CNTNAP4: variants seen among roughly 807,000 people sequenced by gnomAD.
CNTNAP4 encodes contactin associated protein family member 4.
In CNTNAP4, 98 loss-of-function variants were observed where a neutral mutation model predicts 148.4. The ratio of observed to expected loss-of-function variants is 0.66; its 90% CI spans 0.56 to 0.78. The LOEUF (loss-of-function observed/expected upper bound fraction) is 0.78. Ranked by LOEUF, CNTNAP4 falls within the 30% of genes least tolerant of loss-of-function variation. The pLI is 0.00. For missense variants in CNTNAP4, 1,935 were observed against 1,565.6 expected (o/e 1.24, Z -3.98); for synonymous variants, 730 against 565.1 (o/e 1.29, Z -4.14).
In CNTNAP4 at chr16:76,446,306, T is replaced by A. The variant is rs548260740; in HGVS notation, c.539-1706T>A. On this transcript the variant is annotated intron_variant, in intron 4 of 23. Coordinates refer to ENST00000611870, the MANE Select transcript of CNTNAP4 (RefSeq NM_033401.5). ...TGACTGGAAGAAGCCAGCTTACCAG[T>A]TGAAAAATCGCTTCATATTTTATTG... Among the ~76,000 whole-genome samples the A allele has an allele frequency of 2.6e-5, 4 of 152,166 alleles. No individual in the cohort carries two copies. In the East Asian group the frequency reaches 7.7e-4, roughly 29 times the overall value.
chr16:76,346,574 T>G (rs180995048), intron 2 of CNTNAP4, among the ~76,000 whole-genome samples: 2 of 152,250 alleles, frequency 1.3e-5, no homozygotes, highest in Admixed American at 1.3e-4. Context: ...ATCAAAACTT[T>G]CAGAAAGGTA....
chr16:76,554,277 C>T (rs1302194851), intron 23 of CNTNAP4, among the ~76,000 whole-genome samples: 1 of 152,134 alleles, frequency 6.6e-6, no homozygotes, highest in South Asian at 2.1e-4. Flanking sequence ...CATATCACTG[C>T]TTCTGGAAAG....
intron 3 of CNTNAP4, among the ~76,000 whole-genome samples, chr16:76,377,076 C>T (rs2015494466): frequency 6.6e-6 from 1 of 152,018 alleles, no homozygotes; most frequent in Admixed American, 6.6e-5. Flanking sequence ...AGGCTTAGGA[C>T]TCAGGGCAGA....
rs1182040739 is a variant in CNTNAP4 at position 76,540,771 on chromosome 16, G to C, written c.3423G>C (p.Leu1141=). 2 of 1,570,930 alleles carry C rather than the reference G, an allele frequency of 1.3e-6. No individual in the cohort carries two copies. The highest frequency in any genetic ancestry group is 1.7e-6 in the Non-Finnish European group (2 of 1,155,946). Residue 1141 remains leucine (L), a synonymous_variant, in exon 21 of 24, where the codon CTG becomes CTC. Transcript: ENST00000611870. ...SGTEFSAVKS[L]VLGRILEHSD... The stretch of plus-strand genomic sequence containing the variant: ...CAGAATTCAGTGCAGTCAAATCTCT[G>C]GTATTGGGCAGGATTTTAGGTAAGT...
rs953133734 is a variant in CNTNAP4, at chr16:76,538,315, C to T, written c.3195C>T (p.Tyr1065=). ...TTGTGAGCTCCTTTTACAAAGAATA[C>T]CTTTCTGTGATCATTGCCAAAAATG... ...LLFVSSFYKE[Y]LSVIIAKNGS... Residue 1065 remains tyrosine (Y), a synonymous_variant, in exon 19 of 24, where the codon TAC becomes TAT. Transcript: ENST00000611870. 6.2e-7 allele frequency: 1 copy of T among 1,603,658 alleles called. No individual in the cohort carries two copies.
chr16:76,383,866 G>T lies in CNTNAP4; in HGVS notation c.390+28355G>T, dbSNP rs1435289342. Among the ~76,000 whole-genome samples the T allele has an allele frequency of 3.3e-5, 5 of 152,150 alleles. No individual in the cohort carries two copies. The East Asian group carries it at 9.6e-4, about 29-fold the overall frequency. Reference sequence around the variant, plus strand: ...TAAAATTGGTCCTGAGTTCGTCTCTGAAGGTAGATGTGTGTGAGTTTTAAA... The same window carrying T: ...TAAAATTGGTCCTGAGTTCGTCTCTTAAGGTAGATGTGTGTGAGTTTTAAA... On this transcript the variant is annotated intron_variant, in intron 3 of 23. Transcript: ENST00000611870.
At chr16:76,459,215 A>G (rs989058362) in intron 8 of CNTNAP4, among the ~76,000 whole-genome samples, 1 of 152,196 alleles carries the variant, frequency 6.6e-6, no homozygotes, top group Non-Finnish European at 1.5e-5. Context: ...TTCTCTCTAA[A>G]TGAGTGAAAT....
At chr16:76,505,457 G>T (rs1464109007) in intron 15 of CNTNAP4, among the ~76,000 whole-genome samples, 1 of 97,092 alleles carries the variant, frequency 1.0e-5, no homozygotes, top group African/African-American at 2.6e-5. Flanking sequence ...AAGGATCTCT[G>T]CTGCAAGAAC....
In CNTNAP4 at chr16:76,316,645, G is replaced by A. The variant is rs937731087; in HGVS notation, c.196+122G>A. On this transcript the variant is annotated intron_variant, in intron 2 of 23. Transcript: ENST00000611870. The stretch of plus-strand genomic sequence containing the variant: ...AAAGTAAATTTCGAAATAAGCAAAT[G>A]GTTAAAACTCATGAGATGTATATGA... 8.8e-6 allele frequency: 6 copies of A among 678,464 alleles called. No homozygotes were observed. The African/African-American group carries it at 8.9e-5, about 10-fold the overall frequency. 42.0% of individuals were successfully genotyped at this position (678,464 alleles called of 1,614,324 possible).
At chr16:76,318,149 A>T (rs189035209) in intron 2 of CNTNAP4, among the ~76,000 whole-genome samples, 1 of 152,180 alleles carries the variant, frequency 6.6e-6, no homozygotes, top group African/African-American at 2.4e-5. Context: ...TTGCAATGCT[A>T]ATCCTAGAAT....
chr16:76,321,654 T>C (rs1380342717), intron 2 of CNTNAP4, among the ~76,000 whole-genome samples: 2 of 151,432 alleles, frequency 1.3e-5, no homozygotes, highest in Non-Finnish European at 2.9e-5. Flanking sequence ...CCGGGCGTGG[T>C]GGCGGGTCCC....
At chr16:76,385,198 G>A (rs563109728) in intron 3 of CNTNAP4, among the ~76,000 whole-genome samples, 8 of 152,054 alleles carry the variant, frequency 5.3e-5, no homozygotes, top group Non-Finnish European at 1.2e-4. Flanking sequence ...GATTTATTTA[G>A]AGCAGCAAGA....
intron 2 of CNTNAP4, among the ~76,000 whole-genome samples, chr16:76,343,359 G>C (rs952902247): frequency 6.6e-6 from 1 of 152,052 alleles, no homozygotes; most frequent in Admixed American, 6.6e-5. Flanking sequence ...AAATAAGATG[G>C]AGATAAACAG....
intron 2 of CNTNAP4, among the ~76,000 whole-genome samples, chr16:76,325,509 G>C (rs1252395307): frequency 6.6e-6 from 1 of 152,074 alleles, no homozygotes. Context: ...GAGAATACTT[G>C]AAAAGCCAGA....
At chr16:76,514,072 C>T (rs1215144953) in intron 15 of CNTNAP4, among the ~76,000 whole-genome samples, 1 of 152,108 alleles carries the variant, frequency 6.6e-6, no homozygotes, top group African/African-American at 2.4e-5. Context: ...ATAATATGTT[C>T]TCCTTTTATA....
Position 76,485,448 on chromosome 16 carries a change from A to T in CNTNAP4, c.1883-4238A>T, listed in dbSNP as rs373807313. Among the ~76,000 whole-genome samples the T allele has an allele frequency of 7.2e-4, 109 of 152,294 alleles. 5 individuals carry two copies. The South Asian group carries it at 0.022, about 31-fold the overall frequency. Reference sequence around the variant, plus strand: ...GCTTTTTCTATAATGAAATTGTTTTATGTTCAAGAAGTTTCTTGTTATCAA... The same window carrying T: ...GCTTTTTCTATAATGAAATTGTTTTTTGTTCAAGAAGTTTCTTGTTATCAA... On this transcript the variant is annotated intron_variant, in intron 12 of 23. Coordinates refer to ENST00000611870, the MANE Select transcript of CNTNAP4 (RefSeq NM_033401.5).
intron 11 of CNTNAP4, among the ~76,000 whole-genome samples, chr16:76,476,693 G>T (rs548652564): frequency 5.3e-4 from 81 of 152,226 alleles, no homozygotes; most frequent in African/African-American, 1.8e-3. Flanking sequence ...GGTGAAAGGG[G>T]TGAGGGATTT....
intron 10 of CNTNAP4, among the ~76,000 whole-genome samples, chr16:76,475,178 A>G (rs1228373404): frequency 7.8e-6 from 1 of 128,484 alleles, no homozygotes; most frequent in Non-Finnish European, 1.5e-5. Flanking sequence ...AGCTGTCTCA[A>G]AAAAAAAAAT....
intron 3 of CNTNAP4, among the ~76,000 whole-genome samples, chr16:76,397,693 G>A (rs925255262): frequency 3.6e-4 from 54 of 151,480 alleles, no homozygotes; most frequent in African/African-American, 1.3e-3. Flanking sequence ...ATAAGGCCTG[G>A]ACCATAAAGT....
Sources: gnomAD v4.1 joint callset for allele counts (sites outside exome capture counted in the v4.1 genomes callset) on GRCh38, gnomAD v4.1.1 for gene constraint, MANE v1.5 for transcripts, NCBI Gene and HGNC (gene_info 2026-07-23, HGNC 2026-07-21) for gene names.